The following GPR141 variants were observed in gnomAD, a reference collection of about 807,000 sequenced individuals.
GPR141 encodes the protein probable G protein-coupled receptor 141.
Under a neutral mutation model 6.8 loss-of-function variants are expected in GPR141, and 6 were observed. The ratio of observed to expected loss-of-function variants is 0.88; its 90% CI spans 0.48 to 1.74. The LOEUF is 1.74. Ranked by LOEUF, GPR141 falls within the 40% of genes most tolerant of loss-of-function variation. The pLI is 0.01. For missense variants in GPR141, 372 were observed against 372.9 expected (o/e 1.00, Z 0.02); for synonymous variants, 140 against 142.3 (o/e 0.98, Z 0.11).
chr7:37,715,092 G>C (rs1583550705), intron 2 of GPR141, among the ~76,000 whole-genome samples: 1 of 152,096 alleles, frequency 6.6e-6, no homozygotes, highest in East Asian at 1.9e-4. Flanking sequence ...TATGTTAGTG[G>C]TTTTAAAGTT....
At chr7:37,714,119 G>C (rs1329826975) in intron 2 of GPR141, among the ~76,000 whole-genome samples, 3 of 151,882 alleles carry the variant, frequency 2.0e-5, no homozygotes, top group Non-Finnish European at 4.4e-5. Flanking sequence ...AGAATGTTTG[G>C]GTGGCAAGTG....
intron 2 of GPR141, among the ~76,000 whole-genome samples, chr7:37,733,536 G>A (rs1812079135): frequency 6.6e-6 from 1 of 152,024 alleles, no homozygotes. Flanking sequence ...GCCAGGTGTG[G>A]TGGCAGGCAC....
At position 37,691,356 on chromosome 7, in the gene GPR141, G is replaced by A. The variant is rs771926710; in HGVS notation, c.-15+5773G>A. 5.7e-5 allele frequency among the ~76,000 whole-genome samples: 8 copies of A among 141,004 alleles called. 1 individual carries two copies. The Middle Eastern group carries it at 0.019, about 339-fold the overall frequency. The allele number at this position is 141,004 out of a possible 152,430, so 92.5% of individuals were successfully genotyped here. On this transcript the variant is annotated intron_variant, in intron 2 of 2. Coordinates refer to ENST00000334425, the MANE Select transcript of GPR141 (RefSeq NM_001381946.1). ...GCTGCCCAGGCTGGAGTGCAGTGGC[G>A]CCATCTTGGCTCACTGCAACCTCTG...
chr7:37,693,950 A>G (rs1221720814), intron 2 of GPR141, among the ~76,000 whole-genome samples: 1 of 152,158 alleles, frequency 6.6e-6, no homozygotes, highest in Non-Finnish European at 1.5e-5. Flanking sequence ...CACTTCAGCC[A>G]GTCCTGGAAG....
intron 2 of GPR141, among the ~76,000 whole-genome samples, chr7:37,723,993 A>G (rs1366873367): frequency 1.3e-5 from 2 of 152,212 alleles, no homozygotes; most frequent in Non-Finnish European, 2.9e-5. Flanking sequence ...GAAAGAACTC[A>G]CTGACAGTTC....
chr7:37,706,991 T>C (rs1810553893), intron 2 of GPR141, among the ~76,000 whole-genome samples: 1 of 152,032 alleles, frequency 6.6e-6, no homozygotes, highest in African/African-American at 2.4e-5. Flanking sequence ...CCACGCCCAC[T>C]GCCTCTTCCT....
At chr7:37,692,987 C>T (rs755732418) in intron 2 of GPR141, among the ~76,000 whole-genome samples, 10 of 151,904 alleles carry the variant, frequency 6.6e-5, no homozygotes, top group Admixed American at 2.0e-4. Flanking sequence ...TTTTTTGCTG[C>T]GCAGAAGCTC....
At chr7:37,716,944 C>T (rs1487527098) in intron 2 of GPR141, among the ~76,000 whole-genome samples, 5 of 152,178 alleles carry the variant, frequency 3.3e-5, no homozygotes, top group African/African-American at 4.8e-5. Context: ...GGATAAAGTG[C>T]CTGCCAAGGG....
chr7:37,730,114 ATCT>A (rs1477100755), intron 2 of GPR141: 2 of 151,908 alleles, frequency 1.3e-5, no homozygotes, highest in Admixed American at 6.6e-5. Context: ...TTTTCCCTTC[ATCT>A]TCTTCTCTTC....
intron 2 of GPR141, among the ~76,000 whole-genome samples, chr7:37,734,990 A>G (rs1030138028): frequency 6.6e-6 from 1 of 152,238 alleles, no homozygotes; most frequent in African/African-American, 2.4e-5. Flanking sequence ...TAATCTTTGT[A>G]TGTTGGGGAG....
At chr7:37,697,401 T>C (rs1810070165) in intron 2 of GPR141, among the ~76,000 whole-genome samples, 1 of 152,248 alleles carries the variant, frequency 6.6e-6, no homozygotes, top group Non-Finnish European at 1.5e-5. Flanking sequence ...TTCTAGAATA[T>C]GTCCTAATAC....
At chr7:37,719,637 A>G (rs1811218430) in intron 2 of GPR141, among the ~76,000 whole-genome samples, 2 of 152,202 alleles carry the variant, frequency 1.3e-5, no homozygotes, top group South Asian at 4.1e-4. Context: ...AAGGGACTAA[A>G]CTGTCTAATC....
intron 2 of GPR141, among the ~76,000 whole-genome samples, chr7:37,716,837 A>G (rs1278788034): frequency 6.6e-6 from 1 of 152,264 alleles, no homozygotes; most frequent in African/African-American, 2.4e-5. Context: ...TTGCTTTAAA[A>G]GAAGACACAA....
chr7:37,732,101 G>A (rs572301558), intron 2 of GPR141, among the ~76,000 whole-genome samples: 5 of 147,276 alleles, frequency 3.4e-5, no homozygotes, highest in Non-Finnish European at 7.5e-5. Flanking sequence ...TGTGCACAAC[G>A]TGAAGGAAGA....
chr7:37,741,318 A>C lies in GPR141; in HGVS notation c.*7A>C, dbSNP rs764006726. 6.4e-7 allele frequency: 1 copy of C among 1,558,406 alleles called. No individual in the cohort carries two copies. The highest frequency in any genetic ancestry group is 2.3e-5 in the East Asian group (1 of 44,308). On this transcript the variant is annotated 3_prime_UTR_variant, in exon 3 of 3. Coordinates refer to ENST00000334425, the MANE Select transcript of GPR141 (RefSeq NM_001381946.1). The stretch of plus-strand genomic sequence containing the variant: ...TTGTGTTTTGTGCCGTTAGCCACAA[A>C]CTACAGTATTCATATTTGCTTCCTT...
In GPR141 at chr7:37,697,656, A is replaced by G. The variant is rs144392273; in HGVS notation, c.-15+12073A>G. Among the ~76,000 whole-genome samples the G allele has an allele frequency of 2.5e-3, 381 of 152,278 alleles. 2 individuals are homozygous for G. The highest frequency in any genetic ancestry group is 6.4e-3 in the South Asian group (31 of 4,826). ...ACTCTTCACTGAGTCTCAATGTACAAATGGCATTTGGATAAACAACAAGAA... is the reference window on the plus strand; with the variant it reads ...ACTCTTCACTGAGTCTCAATGTACAGATGGCATTTGGATAAACAACAAGAA... On this transcript the variant is annotated intron_variant, in intron 2 of 2. Transcript: ENST00000334425.
chr7:37,705,014 C>G (rs1209259773), intron 2 of GPR141, among the ~76,000 whole-genome samples: 1 of 152,114 alleles, frequency 6.6e-6, no homozygotes, highest in Non-Finnish European at 1.5e-5. Context: ...AAGCCCAATA[C>G]TTAGTATGCA....
chr7:37,728,371 T>C (rs1403737265), intron 2 of GPR141, among the ~76,000 whole-genome samples: 1 of 152,200 alleles, frequency 6.6e-6, no homozygotes, highest in Non-Finnish European at 1.5e-5. Context: ...ATAAATTAAG[T>C]GAGAAATCCC....
At chr7:37,725,530 C>G (rs1049045710) in intron 2 of GPR141, among the ~76,000 whole-genome samples, 1 of 152,224 alleles carries the variant, frequency 6.6e-6, no homozygotes, top group Admixed American at 6.5e-5. Context: ...CATTGATTCT[C>G]TGTCAATAAT....
Sources: gnomAD v4.1 joint callset for allele counts (sites outside exome capture counted in the v4.1 genomes callset) on GRCh38, gnomAD v4.1.1 for gene constraint, MANE v1.5 for transcripts, NCBI Gene and HGNC (gene_info 2026-07-23, HGNC 2026-07-21) for gene names.